The following ALK variants were observed in gnomAD, a reference collection of about 807,000 sequenced individuals.
ALK encodes ALK tyrosine kinase receptor.
Under a neutral mutation model 163.1 loss-of-function variants are expected in ALK, and 74 were observed. The observed-to-expected ratio is 0.45, with a 90% confidence interval of 0.38 to 0.55. The LOEUF is 0.55. Among genes scored for constraint, ALK ranks in the 20% least tolerant of loss-of-function variants. The pLI is 0.00. For missense variants in ALK, 2,063 were observed against 2,105.3 expected (o/e 0.98, Z 0.39); for synonymous variants, 960 against 843.2 (o/e 1.14, Z -2.40).
At chr2:29,642,969 C>T (rs907923915) in intron 3 of ALK, among the ~76,000 whole-genome samples, 9 of 152,128 alleles carry the variant, frequency 5.9e-5, no homozygotes, top group African/African-American at 2.2e-4. Flanking sequence ...ATCCAACCTG[C>T]CTCTTTCCTC....
intron 9 of ALK, among the ~76,000 whole-genome samples, chr2:29,284,515 A>T (rs1289289255): frequency 2.0e-5 from 3 of 152,156 alleles, no homozygotes; most frequent in Non-Finnish European, 4.4e-5. Flanking sequence ...GTTACCAAGA[A>T]AATCTTGAGC....
At chr2:29,902,764 C>T (rs1433349647) in intron 1 of ALK, among the ~76,000 whole-genome samples, 4 of 152,208 alleles carry the variant, frequency 2.6e-5, no homozygotes, top group African/African-American at 4.8e-5. Context: ...CCAAACCCTA[C>T]TCCTCCAAAA....
chr2:29,263,009 T>G (rs1665126692), intron 11 of ALK, among the ~76,000 whole-genome samples: 1 of 152,248 alleles, frequency 6.6e-6, no homozygotes, highest in Non-Finnish European at 1.5e-5. Flanking sequence ...ATTTCTAACT[T>G]GGCTTCGGGC....
At chr2:29,655,459 A>G (rs954029) in intron 3 of ALK, among the ~76,000 whole-genome samples, 21,242 of 152,222 alleles carry the variant, frequency 0.14, 3,419 homozygotes, top group African/African-American at 0.39. Flanking sequence ...TGAAGATAGT[A>G]TCTTACGGGG....
At chr2:29,709,736 A>T (rs1679017996) in intron 2 of ALK, among the ~76,000 whole-genome samples, 5 of 152,130 alleles carry the variant, frequency 3.3e-5, no homozygotes, top group Admixed American at 1.3e-4. Context: ...GCTGGTTGTG[A>T]ATACTTGCTA....
At chr2:29,262,194 T>A (rs1665105263) in intron 11 of ALK, among the ~76,000 whole-genome samples, 1 of 152,198 alleles carries the variant, frequency 6.6e-6, no homozygotes, top group African/African-American at 2.4e-5. Flanking sequence ...AATTGGCCAG[T>A]GATTGCAAAG....
chr2:29,358,528 C>A (rs1173373238), intron 5 of ALK, among the ~76,000 whole-genome samples: 24 of 152,182 alleles, frequency 1.6e-4, no homozygotes, highest in Non-Finnish European at 1.8e-4. Flanking sequence ...CAGCATGTGG[C>A]CCCCAGGAAG....
chr2:29,199,146 G>C (rs1359583256), intron 26 of ALK, among the ~76,000 whole-genome samples: 1 of 151,966 alleles, frequency 6.6e-6, no homozygotes, highest in Non-Finnish European at 1.5e-5. Flanking sequence ...TAGAGACAGG[G>C]TTTCGTCATG....
At chr2:29,752,190 AT>A (rs1408605631) in intron 1 of ALK, among the ~76,000 whole-genome samples, 2 of 152,042 alleles carry the variant, frequency 1.3e-5, no homozygotes, top group African/African-American at 4.8e-5. Context: ...TTTTTTGTTT[AT>A]TTTTATTATT....
At chr2:29,874,776 T>C (rs1002939613) in intron 1 of ALK, among the ~76,000 whole-genome samples, 3 of 152,284 alleles carry the variant, frequency 2.0e-5, no homozygotes, top group African/African-American at 7.2e-5. Context: ...CCTTTGTAAA[T>C]GACATTGGAG....
At chr2:29,553,091 G>A (rs1248881910) in intron 3 of ALK, among the ~76,000 whole-genome samples, 2 of 152,180 alleles carry the variant, frequency 1.3e-5, no homozygotes, top group Non-Finnish European at 2.9e-5. Context: ...TCTTGCTATG[G>A]TGTAAATGTG....
At chr2:29,657,574 G>T (rs1677222147) in intron 3 of ALK, among the ~76,000 whole-genome samples, 1 of 152,074 alleles carries the variant, frequency 6.6e-6, no homozygotes, top group South Asian at 2.1e-4. Context: ...TCCAACAAAG[G>T]CCTGAATTAA....
chr2:29,461,751 A>G lies in ALK; in HGVS notation c.1154+70164T>C, dbSNP rs75629584. 9.2e-5 allele frequency among the ~76,000 whole-genome samples: 14 copies of G among 152,292 alleles called. No homozygotes were observed. In the East Asian group the frequency reaches 2.5e-3, roughly 27 times the overall value. The stretch of plus-strand genomic sequence containing the variant: ...ATTCATTCCTGCTAACACAACATCC[A>G]TTTTGCAGCCCATTGATCACGAAGT... On this transcript the variant is annotated intron_variant, in intron 4 of 28. Coordinates refer to ENST00000389048, the MANE Select transcript of ALK (RefSeq NM_004304.5).
intron 1 of ALK, among the ~76,000 whole-genome samples, chr2:29,840,952 T>G (rs1255118949): frequency 6.6e-6 from 1 of 152,212 alleles, no homozygotes; most frequent in Non-Finnish European, 1.5e-5. Context: ...TGTTATCTTT[T>G]CACCCTCACT....
chr2:29,381,971 C>T (rs536151561), intron 5 of ALK, among the ~76,000 whole-genome samples: 8 of 152,280 alleles, frequency 5.3e-5, no homozygotes, highest in South Asian at 2.1e-4. Flanking sequence ...CTTACACATC[C>T]GTATCAATCA....
intron 8 of ALK, among the ~76,000 whole-genome samples, chr2:29,315,649 A>G (rs920266750): frequency 2.0e-5 from 3 of 152,166 alleles, no homozygotes; most frequent in African/African-American, 7.2e-5. Flanking sequence ...CAGTAGGTCC[A>G]GGGTGGGGCA....
At chr2:29,534,401 C>T (rs923621969) in intron 3 of ALK, among the ~76,000 whole-genome samples, 2 of 152,108 alleles carry the variant, frequency 1.3e-5, no homozygotes, top group Admixed American at 1.3e-4. Context: ...TGTATCTGTG[C>T]AGAGCACGTG....
At chr2:29,196,674 TCTGA>T (rs1227722025) in intron 28 of ALK, 92 bp downstream of exon 28, 9 of 910,706 alleles carry the variant, frequency 9.9e-6, no homozygotes, top group South Asian at 1.3e-5. Context: ...AATCTTGTAC[TCTGA>T]CTGGCTTGAC....
intron 4 of ALK, among the ~76,000 whole-genome samples, chr2:29,499,085 C>A (rs1214476333): frequency 6.6e-6 from 1 of 152,198 alleles, no homozygotes; most frequent in Non-Finnish European, 1.5e-5. Flanking sequence ...GCCTGCCTGG[C>A]AGTCCTACAA....
Sources: allele counts gnomAD v4.1 joint callset (sites outside exome capture counted in the v4.1 genomes callset), GRCh38; gene constraint gnomAD v4.1.1; transcripts MANE v1.5; gene names NCBI Gene and HGNC (gene_info 2026-07-23, HGNC 2026-07-21).